The following CCS variants were observed in gnomAD, a reference collection of about 807,000 sequenced individuals.
The protein encoded by CCS is copper chaperone for superoxide dismutase.
CCS carries 32 observed loss-of-function variants against 35.5 expected under a neutral mutation model. The ratio of observed to expected loss-of-function variants is 0.90; its 90% CI spans 0.68 to 1.21. The LOEUF (loss-of-function observed/expected upper bound fraction) is 1.21, where lower values mean the gene tolerates loss of function less well. Ranked by LOEUF, CCS falls within the 50% of genes most tolerant of loss-of-function variation. CCS has a pLI of 0.00. For synonymous variants in CCS, 130 were observed against 147.2 expected (o/e 0.88, Z 0.84); for missense variants, 342 against 375.4 (o/e 0.91, Z 0.73).
intron 5 of CCS, among the ~76,000 whole-genome samples, chr11:66,601,989 C>T (rs1300800662): frequency 6.6e-6 from 1 of 152,076 alleles, no homozygotes; most frequent in South Asian, 2.1e-4. Flanking sequence ...CTGCCTTGGC[C>T]TCCCAAAGTG....
At chr11:66,598,970 G>C (rs1257025459) in intron 2 of CCS, 146 bp from the exon 3 acceptor site, 1 of 863,740 alleles carries the variant, frequency 1.2e-6, no homozygotes, top group African/African-American at 1.6e-5. Flanking sequence ...GGCTTACTCA[G>C]GGTTACACAG....
intron 5 of CCS, chr11:66,605,134 G>A (rs781647965): frequency 6.5e-7 from 1 of 1,527,852 alleles, no homozygotes; most frequent in Non-Finnish European, 8.8e-7. Flanking sequence ...GGGACTTCCT[G>A]GACCACTTTC....
intron 4 of CCS, 71 bp from the exon 5 acceptor site, chr11:66,600,417 TA>T: frequency 1.1e-6 from 1 of 873,758 alleles, no homozygotes; most frequent in Non-Finnish European, 1.7e-6. Context: ...GAAGCAAATA[TA>T]AATAGATGAG....
intron 2 of CCS, among the ~76,000 whole-genome samples, chr11:66,598,131 ATCTGTTTG>A (rs1443819855): frequency 6.6e-6 from 1 of 151,262 alleles, no homozygotes. Context: ...GATACAGTTC[ATCTGTTTG>A]TAGTATTTTC....
intron 5 of CCS, among the ~76,000 whole-genome samples, chr11:66,603,417 A>T (rs1397488697): frequency 6.6e-6 from 1 of 152,208 alleles, no homozygotes; most frequent in Admixed American, 6.5e-5. Flanking sequence ...TCTACTAAAA[A>T]TACAAAAATT....
chr11:66,599,009 G>T (rs1392586281), intron 2 of CCS, 107 bp from the exon 3 acceptor site: 18 of 1,397,508 alleles, frequency 1.3e-5, no homozygotes, highest in Non-Finnish European at 1.8e-5. Context: ...CTGACCATGG[G>T]AAGTTTGGTG....
chr11:66,603,036 A>C (rs1331209932), intron 5 of CCS, among the ~76,000 whole-genome samples: 1 of 152,232 alleles, frequency 6.6e-6, no homozygotes, highest in Non-Finnish European at 1.5e-5. Flanking sequence ...CATAGACTGC[A>C]CTAGAAGGAT....
At position 66,605,368 on chromosome 11, in the gene CCS, T is replaced by C. The variant is rs766956703; in HGVS notation, c.519T>C (p.Ala173=). 6.2e-7 allele frequency: 1 copy of C among 1,614,196 alleles called. No individual in the cohort carries two copies. The highest frequency in any genetic ancestry group is 8.5e-7 in the Non-Finnish European group (1 of 1,180,030). The change falls in exon 6 of 8, where the codon GCT becomes GCC. Residue 173 remains alanine, a synonymous_variant. Transcript: ENST00000533244. ...GCGGAGACCTGGGCAATGTCCGTGC[T>C]GATGCTGACGGCCGCGCCATCTTCA... is the stretch of plus-strand genomic sequence containing the variant. ...RHRGDLGNVR[A]DADGRAIFRM...
At chr11:66,601,346 C>G (rs1858568679) in intron 5 of CCS, among the ~76,000 whole-genome samples, 2 of 152,334 alleles carry the variant, frequency 1.3e-5, no homozygotes, top group South Asian at 4.1e-4. Flanking sequence ...CCCACCTCAG[C>G]CTCCCAAAGT....
chr11:66,599,387 G>A (rs1858533882), intron 3 of CCS, 72 bp from the exon 4 acceptor site: 2 of 1,493,014 alleles, frequency 1.3e-6, no homozygotes, highest in African/African-American at 1.4e-5. Context: ...GAGACTCCCT[G>A]CCCTTCCCGA....
At chr11:66,597,123 A>G (rs576123890) in intron 2 of CCS, among the ~76,000 whole-genome samples, 1 of 152,310 alleles carries the variant, frequency 6.6e-6, no homozygotes, top group African/African-American at 2.4e-5. Context: ...TCTACTAATG[A>G]TGGCAATAGT....
rs567490632 is a variant in CCS at position 66,597,528 on chromosome 11, A to G, written c.113-1588A>G. On this transcript the variant is annotated intron_variant, in intron 2 of 7. Transcript: ENST00000533244. ...AGCACTTTGGGAGGCCAAGGCGGGC[A>G]GATCACGAGGTCAGGAGATTGAGAC... Among the ~76,000 whole-genome samples the G allele has an allele frequency of 2.0e-5, 3 of 151,056 alleles. No homozygotes were observed. The South Asian group carries it at 6.3e-4, about 32-fold the overall frequency.
At chr11:66,599,412 G>A (rs1374132885) in intron 3 of CCS, 47 bp from the exon 4 acceptor site, 1 of 1,509,228 alleles carries the variant, frequency 6.6e-7, no homozygotes. Flanking sequence ...CTGAAGAGGT[G>A]TGCTGGGTGA....
At chr11:66,602,802 C>T (rs573660102) in intron 5 of CCS, among the ~76,000 whole-genome samples, 1 of 152,372 alleles carries the variant, frequency 6.6e-6, no homozygotes, top group Non-Finnish European at 1.5e-5. Flanking sequence ...AGCTGTACCT[C>T]ACCCAATCCC....
In CCS at chr11:66,605,754, C is replaced by G. The variant is rs908148014; in HGVS notation, c.724C>G (p.Gln242Glu). Residue 242 changes from glutamine to glutamate, a missense_variant, in exon 8 of 8, where the codon CAG becomes GAG. Gln to Glu is a conservative substitution (Grantham distance 29). Transcript: ENST00000533244. The part of the protein sequence containing the change: ...RSAGLFQNPK[Q>E]ICSCDGLTIW... ...CGCTGGCCTTTTCCAGAACCCCAAG[C>G]AGATCTGCTCTTGCGATGGCCTCAC... The G allele has an allele frequency of 6.2e-7, 1 of 1,606,252 alleles. No homozygotes were observed. The highest frequency in any genetic ancestry group is 8.5e-7 in the Non-Finnish European group (1 of 1,176,234).
intron 5 of CCS, chr11:66,605,057 G>T (rs1357850875): frequency 7.7e-7 from 1 of 1,305,990 alleles, no homozygotes. Context: ...ACTTCCACTG[G>T]CTCTTTTCAG....
intron 5 of CCS, 97 bp downstream of exon 5, chr11:66,600,646 T>C: frequency 1.8e-6 from 1 of 567,202 alleles, no homozygotes; most frequent in South Asian, 3.6e-5. Flanking sequence ...TGTGATTCCT[T>C]TTTGGTGGAG....
intron 2 of CCS, among the ~76,000 whole-genome samples, chr11:66,598,278 G>C (rs1858512153): frequency 6.6e-6 from 1 of 151,688 alleles, no homozygotes; most frequent in Non-Finnish European, 1.5e-5. Context: ...GAGGCAGGCA[G>C]ATGACCTGAG....
At chr11:66,605,274 C>A (rs140238910) in intron 5 of CCS, 65 bp from the exon 6 acceptor site, 6 of 1,604,224 alleles carry the variant, frequency 3.7e-6, no homozygotes, top group Non-Finnish European at 3.4e-6. Flanking sequence ...ATCAGGAAAT[C>A]AGAAGATAGC....
Sources: gnomAD v4.1 joint callset for allele counts (sites outside exome capture counted in the v4.1 genomes callset) on GRCh38, gnomAD v4.1.1 for gene constraint, MANE v1.5 for transcripts, NCBI Gene and HGNC (gene_info 2026-07-23, HGNC 2026-07-21) for gene names.